Variants in ANO1 observed in about 807,000 individuals in gnomAD.
The protein encoded by ANO1 is anoctamin-1.
Under a neutral mutation model 124.0 loss-of-function variants are expected in ANO1, and 59 were observed. That is an observed-to-expected ratio of 0.48 (90% CI 0.39 to 0.59). ANO1 has a LOEUF of 0.59. Ranked by LOEUF, ANO1 falls within the 20% of genes least tolerant of loss-of-function variation. The pLI is 0.00. For synonymous variants in ANO1, 529 were observed against 532.0 expected (o/e 0.99, Z 0.08); for missense variants, 1,059 against 1,328.0 (o/e 0.80, Z 3.15).
intron 1 of ANO1, among the ~76,000 whole-genome samples, chr11:70,086,122 C>T (rs2044368674): frequency 6.6e-6 from 1 of 152,206 alleles, no homozygotes; most frequent in African/African-American, 2.4e-5. Flanking sequence ...AGCGTCCTCA[C>T]GTAGCCACAG....
chr11:70,159,481 CCT>C (rs113711031), intron 16 of ANO1, among the ~76,000 whole-genome samples: 17 of 152,326 alleles, frequency 1.1e-4, no homozygotes, highest in South Asian at 4.1e-4. Context: ...CTGGTAAACC[CCT>C]GTCACAAGGG....
chr11:70,157,063 C>A, intron 16 of ANO1, 42 bp downstream of exon 16: 1 of 1,571,876 alleles, frequency 6.4e-7, no homozygotes, highest in Non-Finnish European at 8.7e-7. Flanking sequence ...TCAGGGGAAA[C>A]CGCAAGGAAG....
At chr11:70,065,579 C>G (rs1301560793) in intron 1 of ANO1, among the ~76,000 whole-genome samples, 15 of 151,408 alleles carry the variant, frequency 9.9e-5, no homozygotes, top group African/African-American at 3.7e-4. Context: ...TGTCCCCCGT[C>G]GTCCCTCTAG....
In ANO1 at chr11:70,010,156, T is replaced by C. The variant is rs1203286216; in HGVS notation, c.58+23990T>C. ...CATGGTGTGTGTGTGTGTGTGTGTG[T>C]GTGTGTGTGCGCGTGTGTGTGTGTA... On this transcript the variant is annotated intron_variant, in intron 1 of 27. Coordinates refer to the ANO1 transcript ENST00000531349. Among the ~76,000 whole-genome samples, 32 of 64,594 alleles carry C rather than the reference T, an allele frequency of 5.0e-4. 1 individual carries two copies. The highest frequency in any genetic ancestry group is 1.7e-3 in the African/African-American group (30 of 17,924). 42.4% of individuals were successfully genotyped at this position (64,594 alleles called of 152,430 possible).
At position 70,171,009 on chromosome 11, in the gene ANO1, A is replaced by C. The variant is rs370839728; in HGVS notation, c.2320A>C (p.Arg774=). The change falls in exon 22 of 26, where the codon AGG becomes CGG. Residue 774 remains arginine (R), a synonymous_variant. Coordinates refer to ENST00000355303, the MANE Select transcript of ANO1 (RefSeq NM_018043.7). ...DAKKFVTELR[R]PVAVRAKDIG... is the part of the protein sequence containing the mutation. ...CAAAAAGTTTGTCACTGAGCTCCGA[A>C]GGCCGGTAGCTGTCAGAGCCAAAGA... The C allele has an allele frequency of 3.8e-5, 62 of 1,612,498 alleles. No homozygotes were observed. The highest frequency in any genetic ancestry group is 4.7e-5 in the Non-Finnish European group (55 of 1,179,352).
intron 1 of ANO1, among the ~76,000 whole-genome samples, chr11:70,081,998 C>G (rs574862420): frequency 6.6e-6 from 1 of 152,330 alleles, no homozygotes; most frequent in Non-Finnish European, 1.5e-5. Context: ...ACCTTCAGAT[C>G]ATCGATCACA....
At chr11:70,043,112 A>T (rs1555005237) in intron 1 of ANO1, among the ~76,000 whole-genome samples, 3 of 152,234 alleles carry the variant, frequency 2.0e-5, no homozygotes. Flanking sequence ...ATCTGTTCAA[A>T]AAAGTAGAGG....
At chr11:70,112,594 G>A (rs1260102720) in intron 7 of ANO1, among the ~76,000 whole-genome samples, 2 of 136,140 alleles carry the variant, frequency 1.5e-5, no homozygotes, top group South Asian at 2.3e-4. Context: ...GTCTCGCTCT[G>A]TCATCCAGGC....
At chr11:69,967,151 T>C in the ANO1 span, among the ~76,000 whole-genome samples, 2 of 149,024 alleles carry the variant, frequency 1.3e-5, no homozygotes, top group Non-Finnish European at 3.0e-5. Flanking sequence ...ACACGCTGTC[T>C]GTATCGCACG....
intron 1 of ANO1, among the ~76,000 whole-genome samples, chr11:69,987,814 A>T (rs1049979897): frequency 2.6e-5 from 4 of 152,086 alleles, no homozygotes; most frequent in African/African-American, 9.7e-5. Flanking sequence ...ACATTTGGGC[A>T]TGGGTCATGT....
At chr11:70,176,972 C>T (rs980908138) in intron 22 of ANO1, among the ~76,000 whole-genome samples, 1 of 152,156 alleles carries the variant, frequency 6.6e-6, no homozygotes, top group African/African-American at 2.4e-5. Context: ...CAGGGCCACA[C>T]GGAGAGCCAT....
At chr11:70,086,599 G>A (rs1273647246) in intron 1 of ANO1, among the ~76,000 whole-genome samples, 1 of 152,184 alleles carries the variant, frequency 6.6e-6, no homozygotes, top group Non-Finnish European at 1.5e-5. Flanking sequence ...CCACGTGTGG[G>A]GAAGGTGCAA....
At chr11:70,077,648 C>T (rs1202774850), upstream of ANO1, among the ~76,000 whole-genome samples, 1 of 152,200 alleles carries the variant, frequency 6.6e-6, no homozygotes, top group Non-Finnish European at 1.5e-5. Flanking sequence ...AGGAGCCCCG[C>T]CCCACCTCAG....
At chr11:70,084,647 C>T (rs2044305228) in intron 1 of ANO1, among the ~76,000 whole-genome samples, 1 of 152,200 alleles carries the variant, frequency 6.6e-6, no homozygotes, top group African/African-American at 2.4e-5. Flanking sequence ...GAAGCCAGTG[C>T]CCTGTCCTGG....
chr11:70,136,320 C>T (rs2046953597), intron 11 of ANO1, among the ~76,000 whole-genome samples: 1 of 152,148 alleles, frequency 6.6e-6, no homozygotes, highest in Non-Finnish European at 1.5e-5. Context: ...CTGCAGGAAC[C>T]CGCACCAGTC....
At chr11:70,027,941 T>C (rs1856938013) in intron 1 of ANO1, among the ~76,000 whole-genome samples, 1 of 152,188 alleles carries the variant, frequency 6.6e-6, no homozygotes, top group African/African-American at 2.4e-5. Context: ...TGTTAAGTCA[T>C]CTGGGTTTTG....
At chr11:69,986,583 T>C (rs1856047054) in intron 1 of ANO1, among the ~76,000 whole-genome samples, 1 of 152,122 alleles carries the variant, frequency 6.6e-6, no homozygotes, top group African/African-American at 2.4e-5. Flanking sequence ...ACACATAATA[T>C]TTCCGTGCTA....
At chr11:70,004,661 T>C (rs1385595742) in intron 1 of ANO1, among the ~76,000 whole-genome samples, 1 of 152,224 alleles carries the variant, frequency 6.6e-6, no homozygotes, top group Non-Finnish European at 1.5e-5. Flanking sequence ...AAAAATATCG[T>C]GGAGCAATGG....
At chr11:70,010,162 T>TGC (rs1555000802) in intron 1 of ANO1, among the ~76,000 whole-genome samples, 2,232 of 75,172 alleles carry the variant, frequency 0.03, 190 homozygotes, top group South Asian at 0.22. Context: ...TGTGTGTGTG[T>TGC]GTGCGCGTGT....
Sources: gnomAD v4.1 joint callset for allele counts (sites outside exome capture counted in the v4.1 genomes callset) on GRCh38, gnomAD v4.1.1 for gene constraint, MANE v1.5 for transcripts, NCBI Gene and HGNC (gene_info 2026-07-23, HGNC 2026-07-21) for gene names.